TXLNG: variants seen among roughly 807,000 people sequenced by gnomAD.
TXLNG encodes the protein taxilin gamma, also known as gamma-taxilin.
Under a neutral mutation model 38.8 loss-of-function variants are expected in TXLNG, and 5 were observed. That is an observed-to-expected ratio of 0.13 (90% CI 0.07 to 0.27). The LOEUF (loss-of-function observed/expected upper bound fraction) is 0.27, where lower values mean the gene tolerates loss of function less well. Among genes scored for constraint, TXLNG ranks in the 10% least tolerant of loss-of-function variants. TXLNG has a pLI of 1.00. For synonymous variants in TXLNG, 182 were observed against 158.2 expected (o/e 1.15, Z -1.13); for missense variants, 393 against 398.2 (o/e 0.99, Z 0.11).
chrX:16,793,414 G>A (rs1173424225), intron 1 of TXLNG, among the ~76,000 whole-genome samples: 4 of 110,218 alleles, frequency 3.6e-5, no homozygotes, highest in Non-Finnish European at 5.7e-5. Flanking sequence ...TTTCCAAAAC[G>A]TCCCTAGAAT....
chrX:16,804,525 G>C (rs1413641634), intron 1 of TXLNG, among the ~76,000 whole-genome samples: 1 of 106,388 alleles, frequency 9.4e-6, no homozygotes, highest in Non-Finnish European at 1.9e-5. Context: ...AGTATGTTGA[G>C]TGACCTGTTT....
Position 16,841,623 on chromosome X carries a change from G to T in TXLNG, c.1444G>T (p.Ala482Ser). 1.7e-6 allele frequency: 2 copies of T among 1,211,620 alleles called. No individual in the cohort carries two copies. Among genetic ancestry groups the T allele is most frequent in the Non-Finnish European group, 2.2e-6 (2 of 895,538 alleles). ...AACACCTGTGATGCAGCCCTGTACT[G>T]CCCTGGATTCTCACAAGGAGCTGAA... ...LATPVMQPCT[A>S]LDSHKELNTS... The change falls in exon 10 of 10, where the codon GCC becomes TCC. Residue 482 changes from alanine (A) to serine (S), a missense_variant. Physicochemically the swap from Ala to Ser is moderately conservative, Grantham distance 99. Transcript: ENST00000380122.
intron 9 of TXLNG, among the ~76,000 whole-genome samples, chrX:16,841,032 TA>T (rs756750001): frequency 3.1e-4 from 34 of 110,325 alleles, no homozygotes; most frequent in African/African-American, 1.0e-3. Flanking sequence ...CCATCTCTAC[TA>T]AAAATACAAA....
intron 3 of TXLNG, among the ~76,000 whole-genome samples, chrX:16,820,601 C>G (rs7059084): frequency 9.0e-6 from 1 of 111,500 alleles, no homozygotes; most frequent in East Asian, 2.8e-4. Flanking sequence ...TAAGGGAATT[C>G]TAGAGATTGA....
chrX:16,822,421 C>T (rs1210854872), intron 3 of TXLNG, among the ~76,000 whole-genome samples: 1 of 111,671 alleles, frequency 9.0e-6, no homozygotes, highest in African/African-American at 3.3e-5. Context: ...CATTCAGCAG[C>T]TTGGCACCTT....
At chrX:16,822,860 C>T (rs763649037) in intron 3 of TXLNG, among the ~76,000 whole-genome samples, 1 of 111,578 alleles carries the variant, frequency 9.0e-6, no homozygotes, top group Non-Finnish European at 1.9e-5. Flanking sequence ...TGGTTGGGGC[C>T]TGAGGATCTG....
Position 16,843,356 on chromosome X carries a change from A to G in TXLNG, c.*1590A>G, listed in dbSNP as rs41305163. On this transcript the variant is annotated 3_prime_UTR_variant, in exon 10 of 10. Coordinates refer to ENST00000380122, the MANE Select transcript of TXLNG (RefSeq NM_018360.3). Reference sequence around the variant, plus strand: ...ACCGCCTGGAGTGGAGGAGGGTTGTATCTAAGCCTCCACTATCAGTCATGT... The same window carrying G: ...ACCGCCTGGAGTGGAGGAGGGTTGTGTCTAAGCCTCCACTATCAGTCATGT... 904 of 112,053 alleles carry G rather than the reference A, an allele frequency of 8.1e-3. 5 individuals are homozygous for G. Among genetic ancestry groups the G allele is most frequent in the Non-Finnish European group, 0.014 (723 of 53,194 alleles). 9.2% of individuals were successfully genotyped at this position (112,053 alleles called of 1,213,427 possible).
chrX:16,791,976 A>C (rs770437262), intron 1 of TXLNG, among the ~76,000 whole-genome samples: 1 of 112,568 alleles, frequency 8.9e-6, no homozygotes, highest in South Asian at 3.6e-4. Context: ...AATCCAAATG[A>C]CATAAAACTG....
chrX:16,830,045 C>T (rs1195336847), intron 5 of TXLNG, among the ~76,000 whole-genome samples: 1 of 111,202 alleles, frequency 9.0e-6, no homozygotes, highest in African/African-American at 3.3e-5. Flanking sequence ...GCAATTTTCG[C>T]ATGTAGATTG....
intron 1 of TXLNG, among the ~76,000 whole-genome samples, chrX:16,791,037 C>T (rs1296403461): frequency 1.8e-5 from 2 of 111,955 alleles, no homozygotes; most frequent in Admixed American, 9.6e-5. Context: ...AATGCTCATA[C>T]CTACCACAGG....
At chrX:16,821,834 CAAA>C (rs1326978538) in intron 3 of TXLNG, among the ~76,000 whole-genome samples, 1 of 97,947 alleles carries the variant, frequency 1.0e-5, no homozygotes, top group African/African-American at 3.7e-5. Flanking sequence ...ACTAAAAATA[CAAA>C]AAAAAAATTA....
chrX:16,828,725 A>T (rs1048824348), intron 4 of TXLNG, among the ~76,000 whole-genome samples: 1 of 112,330 alleles, frequency 8.9e-6, no homozygotes, highest in Non-Finnish European at 1.9e-5. Flanking sequence ...GTTGCTAAGT[A>T]CTTTTAGGAA....
chrX:16,793,612 A>G (rs1182283434), intron 1 of TXLNG, among the ~76,000 whole-genome samples: 2 of 110,257 alleles, frequency 1.8e-5, no homozygotes, highest in Non-Finnish European at 3.8e-5. Flanking sequence ...AATGGGCCAT[A>G]TTAAAAGTGA....
rs1485387317 is a variant in TXLNG, at chrX:16,841,525, A to G, written c.1346A>G (p.Asn449Ser). Residue 449 changes from asparagine (N) to serine (S), a missense_variant, in exon 10 of 10, where the codon AAT becomes AGT. Transcript: ENST00000380122. ...RALQTERNEL[N>S]EKVEVLKEQV... ...CTTCAGACAGAAAGGAATGAGCTCA[A>G]TGAGAAGGTGGAAGTCCTGAAAGAG... 3 of 1,212,128 alleles carry G rather than the reference A, an allele frequency of 2.5e-6. No individual in the cohort carries two copies. The highest frequency in any genetic ancestry group is 3.0e-5 in the East Asian group (1 of 33,853).
At chrX:16,834,938 C>T (rs780754625) in intron 7 of TXLNG, among the ~76,000 whole-genome samples, 20 of 109,927 alleles carry the variant, frequency 1.8e-4, no homozygotes, top group Non-Finnish European at 2.8e-4. Context: ...CTCAGGAGTC[C>T]GAGGCGGCAG....
intron 1 of TXLNG, among the ~76,000 whole-genome samples, chrX:16,793,914 G>A (rs1927788238): frequency 9.0e-6 from 1 of 111,520 alleles, no homozygotes; most frequent in Non-Finnish European, 1.9e-5. Flanking sequence ...CTCCCAAACT[G>A]CTGGGATTAC....
chrX:16,791,879 C>T (rs777151626), intron 1 of TXLNG, among the ~76,000 whole-genome samples: 3 of 112,470 alleles, frequency 2.7e-5, no homozygotes, highest in African/African-American at 9.7e-5. Context: ...AGCCACCGCG[C>T]CCTGCCTGGA....
Position 16,844,297 on chromosome X carries a change from T to C in TXLNG, c.*2531T>C, listed in dbSNP as rs1430324055. ...AGAAAAATCTACCTCTTTCAGACTG[T>C]AGATGGAAATAACTGTGAAAAAAAT... On this transcript the variant is annotated 3_prime_UTR_variant, in exon 10 of 10. Coordinates refer to ENST00000380122, the MANE Select transcript of TXLNG (RefSeq NM_018360.3). 1 of 112,200 alleles carries C rather than the reference T, an allele frequency of 8.9e-6. No individual in the cohort carries two copies. Among genetic ancestry groups the C allele is most frequent in the Non-Finnish European group, 1.9e-5 (1 of 53,272 alleles). The allele number at this position is 112,200 out of a possible 1,213,427, so 9.2% of individuals were successfully genotyped here. A position where few individuals can be genotyped will look rare whatever the true frequency, so the allele number is the denominator to read the frequency against.
At chrX:16,794,172 T>C (rs1219431673) in intron 1 of TXLNG, among the ~76,000 whole-genome samples, 1 of 111,880 alleles carries the variant, frequency 8.9e-6, no homozygotes, top group Admixed American at 9.6e-5. Flanking sequence ...CCAAAGCCAT[T>C]GTCCATATTT....
Sources: gnomAD v4.1 joint callset for allele counts (sites outside exome capture counted in the v4.1 genomes callset) on GRCh38, gnomAD v4.1.1 for gene constraint, MANE v1.5 for transcripts, NCBI Gene and HGNC (gene_info 2026-07-23, HGNC 2026-07-21) for gene names.